Variants in GPATCH2L observed in about 807,000 individuals in gnomAD.
GPATCH2L encodes G-patch domain containing 2 like, also known as G patch domain-containing protein 2-like.
Under a neutral mutation model 57.4 loss-of-function variants are expected in GPATCH2L, and 31 were observed. The ratio of observed to expected loss-of-function variants is 0.54; its 90% CI spans 0.41 to 0.73. The LOEUF (loss-of-function observed/expected upper bound fraction) is 0.73, where lower values mean the gene tolerates loss of function less well. GPATCH2L is among the 30% of genes least tolerant of loss of function. GPATCH2L has a pLI of 0.00. For missense variants in GPATCH2L, 481 were observed against 599.9 expected, an observed-to-expected ratio of 0.80 and a Z score of 2.07; for synonymous variants, 199 against 210.7, an observed-to-expected ratio of 0.94 and a Z score of 0.48.
rs557137007 is a variant in GPATCH2L, at chr14:76,205,389, A to G, written c.*3538A>G. ...GTGGTATGTGGTTGGAAAATAGGCC[A>G]CATTTAGCCTTGAATTGTTTAGAAA... On this transcript the variant is annotated 3_prime_UTR_variant, in exon 10 of 10. Transcript: ENST00000261530. The G allele has an allele frequency of 2.0e-5, 3 of 152,252 alleles. No homozygotes were observed. The highest frequency in any genetic ancestry group is 1.5e-5 in the Non-Finnish European group (1 of 68,046). The allele number at this position is 152,252 out of a possible 1,614,324, so 9.4% of individuals were successfully genotyped here.
intron 2 of GPATCH2L, among the ~76,000 whole-genome samples, chr14:76,235,168 CAAAAAA>C (rs34157061): frequency 8.1e-5 from 8 of 98,758 alleles, no homozygotes; most frequent in Non-Finnish European, 1.8e-4. Flanking sequence ...AACTCTGTCT[CAAAAAA>C]AAAAAAAAAA....
chr14:76,173,710 C>T (rs757971706), intron 5 of GPATCH2L, 85 bp downstream of exon 5: 3 of 869,114 alleles, frequency 3.5e-6, no homozygotes, highest in Non-Finnish European at 5.9e-6. Flanking sequence ...ATCAGAGGTG[C>T]TACAGAACTC....
downstream of GPATCH2L, among the ~76,000 whole-genome samples, chr14:76,217,166 C>A (rs557237822): frequency 1.6e-4 from 24 of 152,232 alleles, no homozygotes; most frequent in African/African-American, 5.3e-4. Context: ...ATCTGACTGG[C>A]CCAAGGCCTA....
intron 2 of GPATCH2L, among the ~76,000 whole-genome samples, chr14:76,160,692 C>G (rs112611625): frequency 3.3e-5 from 5 of 151,962 alleles, no homozygotes; most frequent in Admixed American, 2.0e-4. Context: ...AAAGAAAAAT[C>G]TTAAAAGGGG....
chr14:76,178,090 T>C, intron 7 of GPATCH2L, 48 bp downstream of exon 7: 1 of 1,449,146 alleles, frequency 6.9e-7, no homozygotes, highest in Non-Finnish European at 9.6e-7. Context: ...GAGAACCGTT[T>C]TCTAAGAGTA....
chr14:76,197,493 C>T (rs1341268989), intron 9 of GPATCH2L, among the ~76,000 whole-genome samples: 1 of 152,142 alleles, frequency 6.6e-6, no homozygotes, highest in Non-Finnish European at 1.5e-5. Context: ...AGCCCAGCTC[C>T]TTTCCTCACT....
At chr14:76,168,223 GAC>G (rs2038931054) in intron 3 of GPATCH2L, among the ~76,000 whole-genome samples, 1 of 152,244 alleles carries the variant, frequency 6.6e-6, no homozygotes, top group Non-Finnish European at 1.5e-5. Flanking sequence ...CATCTACCAA[GAC>G]ACAGTTTTCC....
rs1395974606 is a variant in GPATCH2L at position 76,213,680 on chromosome 14, A to T, written c.*11829A>T. On this transcript the variant is annotated 3_prime_UTR_variant, in exon 10 of 10. Coordinates refer to ENST00000261530, the MANE Select transcript of GPATCH2L (RefSeq NM_017926.4). ...CTCTTCACATTCTCAGGGGCTCTTG[A>T]TCCAAAACCTTTTTTAAAAAAAATA... 2 of 152,116 alleles carry T rather than the reference A, an allele frequency of 1.3e-5. No individual in the cohort carries two copies. The highest frequency in any genetic ancestry group is 4.8e-5 in the African/African-American group (2 of 41,424). The allele number at this position is 152,116 out of a possible 1,614,324, so 9.4% of individuals were successfully genotyped here. A position where few individuals can be genotyped will look rare whatever the true frequency, so the allele number is the denominator to read the frequency against.
At chr14:76,175,701 A>G (rs1457236228) in intron 5 of GPATCH2L, 1 of 152,172 alleles carries the variant, frequency 6.6e-6, no homozygotes, top group Non-Finnish European at 1.5e-5. Context: ...CCGGACTCTG[A>G]CCTCAGAGTA....
At chr14:76,191,755 C>T (rs907339960) in intron 8 of GPATCH2L, among the ~76,000 whole-genome samples, 2 of 152,108 alleles carry the variant, frequency 1.3e-5, no homozygotes, top group African/African-American at 4.8e-5. Context: ...GCATATCCAT[C>T]TGCTCAAACA....
At chr14:76,173,032 A>G (rs760784869) in intron 4 of GPATCH2L, among the ~76,000 whole-genome samples, 1 of 152,208 alleles carries the variant, frequency 6.6e-6, no homozygotes, top group Non-Finnish European at 1.5e-5. Flanking sequence ...ATATCCAGAG[A>G]CAATCTCATT....
At chr14:76,188,590 A>G (rs899603530) in intron 8 of GPATCH2L, among the ~76,000 whole-genome samples, 1 of 151,336 alleles carries the variant, frequency 6.6e-6, no homozygotes, top group Non-Finnish European at 1.5e-5. Context: ...AGCTCCTTAT[A>G]TATTCTAATT....
intron 2 of GPATCH2L, among the ~76,000 whole-genome samples, chr14:76,157,776 A>G (rs916479727): frequency 1.3e-5 from 2 of 152,118 alleles, no homozygotes; most frequent in African/African-American, 4.8e-5. Flanking sequence ...CGACCTAAAC[A>G]TGGAGTATAG....
At position 76,185,022 on chromosome 14, in the gene GPATCH2L, C is replaced by T. The variant is rs187600872; in HGVS notation, c.1193+4173C>T. On this transcript the variant is annotated intron_variant, in intron 8 of 9. Transcript: ENST00000261530. ...TTGGTATGGTATGCACCATTCCTTA[C>T]GGGAGGTAGACCTCTGGACTTCTCT... 1.4e-4 allele frequency among the ~76,000 whole-genome samples: 22 copies of T among 152,284 alleles called. 1 individual carries two copies. In the East Asian group the frequency reaches 2.3e-3, roughly 16 times the overall value.
rs2040465728 is a variant in GPATCH2L, at chr14:76,213,653, C to G, written c.*11802C>G. 6.6e-6 allele frequency: 1 copy of G among 152,046 alleles called. No homozygotes were observed. The highest frequency in any genetic ancestry group is 2.1e-4 in the South Asian group (1 of 4,816). The allele number at this position is 152,046 out of a possible 1,614,324, so 9.4% of individuals were successfully genotyped here. A position where few individuals can be genotyped will look rare whatever the true frequency, so the allele number is the denominator to read the frequency against. On this transcript the variant is annotated 3_prime_UTR_variant, in exon 10 of 10. Coordinates refer to ENST00000261530, the MANE Select transcript of GPATCH2L (RefSeq NM_017926.4). Reference sequence around the variant, plus strand: ...TTCCATGTTAGCCTGACACAGAGCCCCCTCTTCACATTCTCAGGGGCTCTT... The same window carrying G: ...TTCCATGTTAGCCTGACACAGAGCCGCCTCTTCACATTCTCAGGGGCTCTT...
intron 2 of GPATCH2L, among the ~76,000 whole-genome samples, chr14:76,163,141 A>G (rs2038674802): frequency 6.6e-6 from 1 of 152,190 alleles, no homozygotes; most frequent in Non-Finnish European, 1.5e-5. Flanking sequence ...CTTTAGGCAT[A>G]CACTACCCTG....
At chr14:76,235,346 T>C (rs954891845) in intron 2 of GPATCH2L, among the ~76,000 whole-genome samples, 1 of 152,120 alleles carries the variant, frequency 6.6e-6, no homozygotes, top group Non-Finnish European at 1.5e-5. Context: ...TGGGACAGTT[T>C]TCCCCATACT....
intron 1 of GPATCH2L, among the ~76,000 whole-genome samples, 167 bp downstream of exon 1, chr14:76,152,158 C>T (rs980885990): frequency 3.3e-5 from 5 of 152,270 alleles, no homozygotes; most frequent in African/African-American, 1.2e-4. Context: ...TGTCCCCATC[C>T]CTGGGGATGT....
chr14:76,169,456 G>A (rs1268987049), intron 3 of GPATCH2L, among the ~76,000 whole-genome samples: 1 of 152,090 alleles, frequency 6.6e-6, no homozygotes, highest in Non-Finnish European at 1.5e-5. Flanking sequence ...AAACAACTAA[G>A]CCTATTTGGT....
Sources: allele counts gnomAD v4.1 joint callset (sites outside exome capture counted in the v4.1 genomes callset), GRCh38; gene constraint gnomAD v4.1.1; transcripts MANE v1.5; gene names NCBI Gene and HGNC (gene_info 2026-07-23, HGNC 2026-07-21).